INPP4B: variants seen among roughly 807,000 people sequenced by gnomAD.
INPP4B encodes inositol polyphosphate-4-phosphatase type II B.
A neutral mutation model predicts 122.5 loss-of-function variants in INPP4B; 55 were observed. That is an observed-to-expected ratio of 0.45 (90% CI 0.36 to 0.56). The LOEUF (loss-of-function observed/expected upper bound fraction) is 0.56. Among genes scored for constraint, INPP4B ranks in the 20% least tolerant of loss-of-function variants. The pLI is 0.00. For missense variants in INPP4B, 1,000 were observed against 1,097.7 expected (o/e 0.91, Z 1.26); for synonymous variants, 403 against 388.7 (o/e 1.04, Z -0.43).
chr4:142,042,963 C>G (rs1354252105), intron 25 of INPP4B, among the ~76,000 whole-genome samples: 1 of 152,128 alleles, frequency 6.6e-6, no homozygotes, highest in African/African-American at 2.4e-5. Context: ...TATGAACTGG[C>G]TCAACATCAA....
rs1266566727 is a variant in INPP4B, at chr4:142,460,183, TAG to T, written c.-127+2478_-127+2479del. ...AAAACAGGATTTGCAAATCCCATTT[TAG>T]AGAAGAGTTAACTGAGATTAAGAAT... On this transcript the variant is annotated intron_variant, in intron 3 of 25. Coordinates refer to ENST00000262992, the MANE Select transcript of INPP4B (RefSeq NM_001101669.3). 2.0e-5 allele frequency among the ~76,000 whole-genome samples: 3 copies of T among 152,288 alleles called. No homozygotes were observed. In the East Asian group the frequency reaches 5.8e-4, roughly 29 times the overall value.
intron 2 of INPP4B, among the ~76,000 whole-genome samples, chr4:142,497,901 A>T (rs1822800172): frequency 1.3e-5 from 2 of 152,146 alleles, no homozygotes; most frequent in South Asian, 4.1e-4. Context: ...TTTCAAAAAA[A>T]GCTGAAGTAG....
intron 1 of INPP4B, among the ~76,000 whole-genome samples, chr4:142,758,108 A>G (rs1770764525): frequency 6.6e-6 from 1 of 152,192 alleles, no homozygotes; most frequent in South Asian, 2.1e-4. Flanking sequence ...CTGGGATAAT[A>G]GTTTTTAAAA....
intron 2 of INPP4B, among the ~76,000 whole-genome samples, chr4:142,595,261 T>C (rs1030582163): frequency 8.5e-5 from 13 of 152,146 alleles, no homozygotes; most frequent in African/African-American, 3.1e-4. Flanking sequence ...AATCTTGCCC[T>C]TGGATGAAGT....
At chr4:142,331,407 G>A (rs919496047) in intron 7 of INPP4B, among the ~76,000 whole-genome samples, 2 of 152,100 alleles carry the variant, frequency 1.3e-5, no homozygotes, top group African/African-American at 4.8e-5. Context: ...AGATCTACTG[G>A]GATCCTCGTG....
At chr4:142,824,107 T>C (rs1230765834) in intron 1 of INPP4B, among the ~76,000 whole-genome samples, 1 of 151,884 alleles carries the variant, frequency 6.6e-6, no homozygotes, top group Non-Finnish European at 1.5e-5. Context: ...GCCTTCAGAC[T>C]CTGGGACTTA....
At chr4:142,642,699 C>T (rs577225808) in intron 2 of INPP4B, among the ~76,000 whole-genome samples, 258 of 152,186 alleles carry the variant, frequency 1.7e-3, no homozygotes, top group Middle Eastern at 6.8e-3. Context: ...AGTCAGGTAG[C>T]GTGATGCCTC....
intron 1 of INPP4B, among the ~76,000 whole-genome samples, chr4:142,841,137 T>G (rs1783432847): frequency 6.6e-6 from 1 of 152,060 alleles, no homozygotes; most frequent in African/African-American, 2.4e-5. Context: ...AATATGTGGT[T>G]ATCTAGCAAG....
intron 1 of INPP4B, among the ~76,000 whole-genome samples, chr4:142,788,440 T>C (rs976311883): frequency 1.3e-5 from 2 of 152,118 alleles, no homozygotes; most frequent in African/African-American, 2.4e-5. Flanking sequence ...GTCTTTAAGA[T>C]ATTAGAGAAA....
chr4:142,710,439 A>G (rs1762970050), intron 2 of INPP4B, among the ~76,000 whole-genome samples: 1 of 152,354 alleles, frequency 6.6e-6, no homozygotes, highest in East Asian at 1.9e-4. Context: ...CCTGATTGCT[A>G]CATATGATCA....
chr4:142,445,863 T>G (rs1812809969), intron 3 of INPP4B, among the ~76,000 whole-genome samples: 1 of 152,120 alleles, frequency 6.6e-6, no homozygotes, highest in Non-Finnish European at 1.5e-5. Context: ...GAGATTGAAC[T>G]AGAAATAACT....
chr4:142,603,342 T>C (rs1003548146), intron 2 of INPP4B, among the ~76,000 whole-genome samples: 12 of 151,768 alleles, frequency 7.9e-5, no homozygotes, highest in Non-Finnish European at 1.3e-4. Flanking sequence ...CATTTACCTA[T>C]GTAAGAAACC....
chr4:142,237,376 T>G (rs1298586834), intron 12 of INPP4B, among the ~76,000 whole-genome samples: 1 of 152,126 alleles, frequency 6.6e-6, no homozygotes, highest in East Asian at 1.9e-4. Flanking sequence ...GTAATATATG[T>G]AATGTTAAAT....
chr4:142,309,349 T>G (rs1764565712), intron 8 of INPP4B, among the ~76,000 whole-genome samples: 1 of 151,978 alleles, frequency 6.6e-6, no homozygotes, highest in African/African-American at 2.4e-5. Context: ...GAATAAATTT[T>G]AGAAAAAAAG....
chr4:142,391,606 A>C (rs780719506), intron 7 of INPP4B, among the ~76,000 whole-genome samples: 6 of 152,020 alleles, frequency 3.9e-5, no homozygotes, highest in Non-Finnish European at 8.8e-5. Flanking sequence ...AAAAACAAAC[A>C]AACAAAAAAA....
intron 2 of INPP4B, among the ~76,000 whole-genome samples, chr4:142,624,821 T>C (rs958761334): frequency 1.5e-4 from 23 of 152,258 alleles, no homozygotes; most frequent in African/African-American, 5.5e-4. Context: ...GCAAGGCTGG[T>C]TCAATATACG....
chr4:142,520,920 C>G (rs2149918317), intron 2 of INPP4B, among the ~76,000 whole-genome samples: 1 of 152,002 alleles, frequency 6.6e-6, no homozygotes, highest in Admixed American at 6.6e-5. Flanking sequence ...ACCTTATGAT[C>G]TTTGTGTTCC....
At chr4:142,104,668 AG>A (rs1389296206) in intron 23 of INPP4B, among the ~76,000 whole-genome samples, 2 of 152,108 alleles carry the variant, frequency 1.3e-5, no homozygotes, top group African/African-American at 4.8e-5. Flanking sequence ...CAGATATACA[AG>A]TTGTCCCTTG....
intron 1 of INPP4B, among the ~76,000 whole-genome samples, chr4:142,832,764 C>G (rs1000709222): frequency 8.6e-5 from 13 of 151,878 alleles, no homozygotes; most frequent in Non-Finnish European, 1.8e-4. Flanking sequence ...CTACTCCCCC[C>G]CCGCATTGTC....
Sources: gnomAD v4.1 joint callset for allele counts (sites outside exome capture counted in the v4.1 genomes callset) on GRCh38, gnomAD v4.1.1 for gene constraint, MANE v1.5 for transcripts, NCBI Gene and HGNC (gene_info 2026-07-23, HGNC 2026-07-21) for gene names.